The following PVT1 variants were observed in gnomAD, a reference collection of about 807,000 sequenced individuals.
The protein encoded by PVT1 is Pvt1 oncogene.
intron 4 of PVT1, among the ~76,000 whole-genome samples, chr8:128,026,464 A>G (rs1342601141): frequency 2.0e-5 from 3 of 152,018 alleles, no homozygotes; most frequent in African/African-American, 7.3e-5. Flanking sequence ...ATCCATATTT[A>G]CACCTGAGGA....
intron 2 of PVT1, among the ~76,000 whole-genome samples, chr8:127,858,463 G>T (rs1815184680): frequency 6.6e-6 from 1 of 151,640 alleles, no homozygotes; most frequent in Non-Finnish European, 1.5e-5. Context: ...ATGGTCTTGA[G>T]GTTTCGGTTT....
chr8:127,989,484 A>T (rs767762810), intron 4 of PVT1, among the ~76,000 whole-genome samples: 2 of 151,720 alleles, frequency 1.3e-5, no homozygotes, highest in Admixed American at 1.3e-4. Flanking sequence ...CCACTTATTC[A>T]TTGTGCCTAG....
At chr8:127,818,321 G>C (rs1381715870) in intron 2 of PVT1, among the ~76,000 whole-genome samples, 1 of 152,128 alleles carries the variant, frequency 6.6e-6, no homozygotes, top group Non-Finnish European at 1.5e-5. Context: ...GGGCTCCCAA[G>C]GGGTCCCACC....
intron 2 of PVT1, among the ~76,000 whole-genome samples, chr8:127,817,396 A>G (rs1425600566): frequency 7.8e-6 from 1 of 128,188 alleles, no homozygotes; most frequent in East Asian, 2.1e-4. Context: ...TATTTAATAT[A>G]TATTAAATAA....
At chr8:127,809,648 C>T (rs1219931422) in intron 2 of PVT1, among the ~76,000 whole-genome samples, 2 of 152,120 alleles carry the variant, frequency 1.3e-5, no homozygotes, top group African/African-American at 4.8e-5. Context: ...TGGTGGGATG[C>T]TTGGCTTTTC....
At chr8:127,913,254 C>T (rs1326089189) in intron 3 of PVT1, among the ~76,000 whole-genome samples, 2 of 152,274 alleles carry the variant, frequency 1.3e-5, no homozygotes, top group African/African-American at 2.4e-5. Flanking sequence ...TTGGAGTGAG[C>T]GGTTTCCACA....
chr8:128,006,255 G>A (rs926644114), intron 4 of PVT1, among the ~76,000 whole-genome samples: 1 of 151,888 alleles, frequency 6.6e-6, no homozygotes, highest in Non-Finnish European at 1.5e-5. Context: ...AATAGTGAGG[G>A]AAGTTTCAAA....
At chr8:127,819,151 G>A (rs531429929) in intron 2 of PVT1, among the ~76,000 whole-genome samples, 7 of 152,268 alleles carry the variant, frequency 4.6e-5, no homozygotes, top group South Asian at 2.1e-4. Context: ...ATCCGTGCTC[G>A]GTAAATCATC....
intron 3 of PVT1, among the ~76,000 whole-genome samples, chr8:127,936,034 C>CT (rs937905808): frequency 0.06 from 6,047 of 101,170 alleles, 259 homozygotes; most frequent in African/African-American, 0.11. Context: ...CTCTCTCTCT[C>CT]TTTTTTTTTT....
chr8:127,971,594 C>A (rs1483914948), intron 3 of PVT1, among the ~76,000 whole-genome samples: 4 of 152,208 alleles, frequency 2.6e-5, no homozygotes, highest in Admixed American at 6.5e-5. Flanking sequence ...CAGGGCACTG[C>A]AGTGTAGCAT....
At position 127,868,808 on chromosome 8, in the gene PVT1, T is replaced by TATATATATACGTATATATATGTAC. The variant is rs1815320290; in HGVS notation, n.373-21772_373-21771insCGTATATATATGTACATATATATA. 1.9e-4 allele frequency among the ~76,000 whole-genome samples: 21 copies of TATATATATACGTATATATATGTAC among 110,472 alleles called. No homozygotes were observed. The South Asian group carries it at 5.6e-3, about 29-fold the overall frequency. 72.5% of individuals were successfully genotyped at this position (110,472 alleles called of 152,430 possible). On this transcript the variant is annotated intron_variant and non_coding_transcript_variant, in intron 2 of 10. Transcript: ENST00000651587. ...ATATATATATACATATATATGTACATATATATATATATGTATGTATTATCT... is the reference window on the plus strand; with the variant it reads ...ATATATATATACATATATATGTACATATATATATACGTATATATATGTACATATATATATATGTATGTATTATCT...
chr8:127,864,808 A>T (rs917287480), intron 2 of PVT1, among the ~76,000 whole-genome samples: 1 of 152,100 alleles, frequency 6.6e-6, no homozygotes, highest in Non-Finnish European at 1.5e-5. Flanking sequence ...TCAGCCTCCC[A>T]AAGTGCTGGG....
intron 3 of PVT1, among the ~76,000 whole-genome samples, chr8:127,987,104 G>A (rs561158465): frequency 6.6e-6 from 1 of 152,236 alleles, no homozygotes; most frequent in East Asian, 1.9e-4. Context: ...GATTTCTTGG[G>A]GACTCTGTGT....
intron 6 of PVT1, among the ~76,000 whole-genome samples, chr8:128,099,178 G>A (rs541720430): frequency 1.3e-5 from 2 of 152,336 alleles, no homozygotes; most frequent in South Asian, 4.1e-4. Context: ...ATTGCATATG[G>A]CGACATGCGG....
chr8:127,919,842 C>T lies in PVT1; in HGVS notation n.782+28844C>T, dbSNP rs182820814. ...TCCACTGTCAGGTTTTCTTCCCTTT[C>T]CTTCTGCTCTACATTTTGTGCCAGC... is the stretch of plus-strand genomic sequence containing the variant. On this transcript the variant is annotated intron_variant and non_coding_transcript_variant, in intron 3 of 10. Coordinates refer to ENST00000651587, the Ensembl canonical transcript of PVT1. 3.3e-3 allele frequency among the ~76,000 whole-genome samples: 507 copies of T among 152,332 alleles called. 1 individual carries two copies. Among genetic ancestry groups the T allele is most frequent in the Non-Finnish European group, 4.0e-3 (273 of 68,040 alleles).
At chr8:127,960,678 C>A (rs1816629320) in intron 3 of PVT1, 1 of 527,478 alleles carries the variant, frequency 1.9e-6, no homozygotes, top group Admixed American at 2.0e-5. Flanking sequence ...TTCCTGTCAA[C>A]CCTGTTCTGG....
chr8:127,899,949 G>A (rs185247151), intron 3 of PVT1, among the ~76,000 whole-genome samples: 12 of 152,342 alleles, frequency 7.9e-5, no homozygotes, highest in Admixed American at 2.0e-4. Context: ...AACAAAAGCC[G>A]TATTCCCACC....
At chr8:127,868,057 A>G (rs1815303469) in intron 2 of PVT1, among the ~76,000 whole-genome samples, 1 of 152,212 alleles carries the variant, frequency 6.6e-6, no homozygotes, top group Non-Finnish European at 1.5e-5. Flanking sequence ...TCTTATTATG[A>G]AATAGATATT....
At chr8:127,971,420 A>C (rs1467668363) in intron 3 of PVT1, among the ~76,000 whole-genome samples, 1 of 152,168 alleles carries the variant, frequency 6.6e-6, no homozygotes, top group Non-Finnish European at 1.5e-5. Context: ...TCTGTTAGGG[A>C]TTGTTTGTGA....
Sources: allele counts gnomAD v4.1 joint callset (sites outside exome capture counted in the v4.1 genomes callset), GRCh38; gene constraint gnomAD v4.1.1; transcripts MANE v1.5; gene names NCBI Gene and HGNC (gene_info 2026-07-23, HGNC 2026-07-21).